Variants in NAPB observed in about 807,000 individuals in gnomAD.
NAPB encodes beta-soluble NSF attachment protein.
NAPB carries 26 observed loss-of-function variants against 44.7 expected under a neutral mutation model. That is an observed-to-expected ratio of 0.58 (90% CI 0.43 to 0.81). NAPB has a LOEUF of 0.81. Among genes scored for constraint, NAPB ranks in the 30% least tolerant of loss-of-function variants. NAPB has a pLI of 0.00. For missense variants in NAPB, 315 were observed against 356.4 expected, an observed-to-expected ratio of 0.88 and a Z score of 0.94; for synonymous variants, 120 against 116.8, an observed-to-expected ratio of 1.03 and a Z score of -0.18.
intron 1 of NAPB, among the ~76,000 whole-genome samples, chr20:23,416,615 A>G (rs1362787785): frequency 1.3e-5 from 2 of 152,024 alleles, no homozygotes; most frequent in African/African-American, 2.4e-5. Flanking sequence ...TATAAAAATA[A>G]TTGTTCAATT....
intron 7 of NAPB, among the ~76,000 whole-genome samples, chr20:23,385,184 G>C (rs1264726816): frequency 1.3e-5 from 2 of 152,092 alleles, no homozygotes; most frequent in Non-Finnish European, 2.9e-5. Flanking sequence ...TAATGATATA[G>C]ACAGGCTGAA....
intron 7 of NAPB, among the ~76,000 whole-genome samples, chr20:23,387,931 G>T (rs1244796038): frequency 6.6e-6 from 1 of 152,174 alleles, no homozygotes; most frequent in Non-Finnish European, 1.5e-5. Flanking sequence ...GCATCAGTAG[G>T]ATGAATAAGC....
At chr20:23,412,953 G>A (rs1985759902) in intron 1 of NAPB, among the ~76,000 whole-genome samples, 1 of 152,170 alleles carries the variant, frequency 6.6e-6, no homozygotes, top group Non-Finnish European at 1.5e-5. Context: ...CCGCACCACT[G>A]TACTCCAGCC....
intron 1 of NAPB, among the ~76,000 whole-genome samples, chr20:23,411,457 G>T (rs112478639): frequency 1.3e-5 from 2 of 152,262 alleles, no homozygotes; most frequent in African/African-American, 4.8e-5. Flanking sequence ...AGGCCATCCA[G>T]CATGCAACCC....
chr20:23,421,419 G>C lies in NAPB; in HGVS notation c.-17C>G. On this transcript the variant is annotated 5_prime_UTR_variant, in exon 1 of 11. Transcript: ENST00000377026. Reference sequence around the variant, plus strand: ...GTTGTCCATGTCGCCCGCCGCGGCCGCCACAGCCCCCTCAGCCGGCTCGCT... The same window carrying C: ...GTTGTCCATGTCGCCCGCCGCGGCCCCCACAGCCCCCTCAGCCGGCTCGCT... The C allele has an allele frequency of 6.5e-7, 1 of 1,540,144 alleles. No individual in the cohort carries two copies.
At position 23,421,249 on chromosome 20, in the gene NAPB, A is replaced by G. The variant is rs534142799; in HGVS notation, c.98+56T>C. The G allele has an allele frequency of 1.1e-5, 15 of 1,418,252 alleles. No individual in the cohort carries two copies. In the Admixed American group the frequency reaches 2.5e-4, roughly 23 times the overall value. 87.9% of individuals were successfully genotyped at this position (1,418,252 alleles called of 1,614,324 possible). On this transcript the variant is annotated intron_variant, in intron 1 of 10. Transcript: ENST00000377026. Reference sequence around the variant, plus strand: ...GACTCGGGGGGTCAGCCTGAAAGGAAGGGGGCCAAGTACGGAGACCCCCCC... The same window carrying G: ...GACTCGGGGGGTCAGCCTGAAAGGAGGGGGGCCAAGTACGGAGACCCCCCC...
At chr20:23,414,512 C>T (rs1985872609) in intron 1 of NAPB, among the ~76,000 whole-genome samples, 9 of 152,086 alleles carry the variant, frequency 5.9e-5, no homozygotes, top group Non-Finnish European at 1.5e-5. Flanking sequence ...CTTCAAAATA[C>T]AACACTAATC....
At chr20:23,414,341 T>C (rs1985861167) in intron 1 of NAPB, among the ~76,000 whole-genome samples, 1 of 151,828 alleles carries the variant, frequency 6.6e-6, no homozygotes, top group Non-Finnish European at 1.5e-5. Flanking sequence ...AACAAATAAA[T>C]AAAAATAAAA....
At chr20:23,388,113 G>T (rs920595626) in intron 7 of NAPB, among the ~76,000 whole-genome samples, 16 of 152,130 alleles carry the variant, frequency 1.1e-4, no homozygotes, top group African/African-American at 3.6e-4. Context: ...AACTCTCCTG[G>T]TTCTGAGGCC....
intron 1 of NAPB, among the ~76,000 whole-genome samples, chr20:23,415,680 T>C (rs1387961869): frequency 6.6e-6 from 1 of 151,996 alleles, no homozygotes; most frequent in Non-Finnish European, 1.5e-5. Flanking sequence ...TTAAATAAAA[T>C]GCCTAGTACA....
chr20:23,397,289 A>G, intron 2 of NAPB, 101 bp from the exon 3 acceptor site: 2 of 1,373,706 alleles, frequency 1.5e-6, no homozygotes, highest in Non-Finnish European at 1.9e-6. Context: ...ATTCCACTGA[A>G]AAGAAGCATT....
At position 23,377,345 on chromosome 20, in the gene NAPB, G is replaced by A. The variant is rs777005408; in HGVS notation, c.*31C>T. 4.8e-6 allele frequency: 7 copies of A among 1,444,772 alleles called. No individual in the cohort carries two copies. The Admixed American group carries it at 1.1e-4, about 22-fold the overall frequency. The allele number at this position is 1,444,772 out of a possible 1,614,324, so 89.5% of individuals were successfully genotyped here. ...GACCCTAAGACAAAACTAAAGAGGA[G>A]TTAGCTGCATGCCACAAAGACAAAA... On this transcript the variant is annotated 3_prime_UTR_variant, in exon 11 of 11. Transcript: ENST00000377026.
chr20:23,377,516 C>T lies in NAPB; in HGVS notation c.787-30G>A, dbSNP rs746408718. 1.7e-5 allele frequency: 25 copies of T among 1,469,986 alleles called. No homozygotes were observed. In the African/African-American group the frequency reaches 2.8e-4, roughly 16 times the overall value. The allele number at this position is 1,469,986 out of a possible 1,614,324, so 91.1% of individuals were successfully genotyped here. On this transcript the variant is annotated intron_variant, in intron 10 of 10. Coordinates refer to ENST00000377026, the MANE Select transcript of NAPB (RefSeq NM_022080.3). Reference sequence around the variant, plus strand: ...TATAAGGAAAGAGGAACAGGAATTACCCCATGTAAATACATTAAAAACACA... The same window carrying T: ...TATAAGGAAAGAGGAACAGGAATTATCCCATGTAAATACATTAAAAACACA...
At position 23,395,180 on chromosome 20, in the gene NAPB, T is replaced by C. The variant is rs754081740; in HGVS notation, c.301A>G (p.Ile101Val). The C allele has an allele frequency of 6.2e-7, 1 of 1,614,170 alleles. No homozygotes were observed. The highest frequency in any genetic ancestry group is 8.5e-7 in the Non-Finnish European group (1 of 1,180,000). ...AYKKADPQEA[I>V]NCLNAAIDIY... is the part of the protein sequence containing the mutation. The stretch of plus-strand genomic sequence containing the variant: ...TCGATGGCTGCATTTAAGCAGTTGA[T>C]AGCCTCTGAAGCGTAGGCATTTAAG... Residue 101 changes from isoleucine to valine, a missense_variant, in exon 4 of 11, where the codon ATC becomes GTC. By Grantham distance (29) the Ile-to-Val change is conservative. Transcript: ENST00000377026.
intron 2 of NAPB, among the ~76,000 whole-genome samples, chr20:23,398,550 A>C (rs1984553689): frequency 1.3e-5 from 2 of 152,038 alleles, no homozygotes; most frequent in African/African-American, 4.8e-5. Flanking sequence ...TTCTTTAAAA[A>C]ATTTTTTTGG....
At chr20:23,403,194 C>T (rs1984977449) in intron 1 of NAPB, 122 bp from the exon 2 acceptor site, 1 of 720,642 alleles carries the variant, frequency 1.4e-6, no homozygotes. Context: ...AGAATCTTAA[C>T]CTCTATTTAA....
At chr20:23,402,557 G>T (rs889018449) in intron 2 of NAPB, among the ~76,000 whole-genome samples, 1 of 152,082 alleles carries the variant, frequency 6.6e-6, no homozygotes, top group African/African-American at 2.4e-5. Context: ...TTGCGTAGCA[G>T]GGAATGGTCA....
At chr20:23,420,395 G>C (rs1403392964) in intron 1 of NAPB, among the ~76,000 whole-genome samples, 4 of 152,072 alleles carry the variant, frequency 2.6e-5, no homozygotes, top group African/African-American at 9.6e-5. Context: ...TCGTTCATTA[G>C]TCAAGTATTT....
chr20:23,407,949 G>C (rs1985368280), intron 1 of NAPB, among the ~76,000 whole-genome samples: 1 of 152,184 alleles, frequency 6.6e-6, no homozygotes, highest in East Asian at 1.9e-4. Context: ...AACTGTGGGT[G>C]GGAGGAAGGA....
Sources: allele counts gnomAD v4.1 joint callset (sites outside exome capture counted in the v4.1 genomes callset), GRCh38; gene constraint gnomAD v4.1.1; transcripts MANE v1.5; gene names NCBI Gene and HGNC (gene_info 2026-07-23, HGNC 2026-07-21).